Variants in CNTNAP4 observed in about 807,000 individuals in gnomAD.
The protein encoded by CNTNAP4 is contactin associated protein family member 4, also known as contactin-associated protein-like 4.
Under a neutral mutation model 148.4 loss-of-function variants are expected in CNTNAP4, and 98 were observed. The ratio of observed to expected loss-of-function variants is 0.66; its 90% CI spans 0.56 to 0.78. CNTNAP4 has a LOEUF of 0.78. Among genes scored for constraint, CNTNAP4 ranks in the 30% least tolerant of loss-of-function variants. CNTNAP4 has a pLI of 0.00. For synonymous variants in CNTNAP4, 730 were observed against 565.1 expected (o/e 1.29, Z -4.14); for missense variants, 1,935 against 1,565.6 (o/e 1.24, Z -3.98).
chr16:76,424,756 C>G (rs2079319970), intron 3 of CNTNAP4, among the ~76,000 whole-genome samples: 1 of 128,464 alleles, frequency 7.8e-6, no homozygotes, highest in Non-Finnish European at 1.7e-5. Flanking sequence ...GAGACTCGGT[C>G]TAAAAAAACA....
intron 21 of CNTNAP4, among the ~76,000 whole-genome samples, chr16:76,545,738 A>T (rs1401850649): frequency 1.3e-5 from 2 of 152,208 alleles, no homozygotes; most frequent in Non-Finnish European, 2.9e-5. Context: ...AATTACTAAC[A>T]TGCCTTAAAA....
chr16:76,535,679 A>G lies in CNTNAP4; in HGVS notation c.2890A>G (p.Ser964Gly), dbSNP rs1178705473. Residue 964 changes from serine (S) to glycine (G), a missense_variant, in exon 18 of 24, where the codon AGC (serine) becomes GGC (glycine). Coordinates refer to ENST00000611870, the MANE Select transcript of CNTNAP4 (RefSeq NM_033401.5). ...VQPGCRGHCS[S>G]YGKLCRNGGK... Reference sequence around the variant, plus strand: ...GCCAGGTTGTAGGGGACATTGCAGCAGCTATGGGAAGTTATGCCGCAATGG... The same window carrying G: ...GCCAGGTTGTAGGGGACATTGCAGCGGCTATGGGAAGTTATGCCGCAATGG... 1.9e-6 allele frequency: 3 copies of G among 1,614,048 alleles called. No homozygotes were observed. Among genetic ancestry groups the G allele is most frequent in the Non-Finnish European group, 2.5e-6 (3 of 1,179,918 alleles).
intron 2 of CNTNAP4, among the ~76,000 whole-genome samples, chr16:76,338,889 T>G (rs1389745211): frequency 6.6e-6 from 1 of 152,214 alleles, no homozygotes; most frequent in African/African-American, 2.4e-5. Context: ...CTTAGTACAC[T>G]GTAGAATACA....
chr16:76,448,792 C>T lies in CNTNAP4; in HGVS notation c.768C>T (p.Ser256=), dbSNP rs1030334310. Residue 256 remains serine, a synonymous_variant, in exon 6 of 24, where the codon TCC becomes TCT. Transcript: ENST00000611870. ...NSGEAKLPST[S]TLVNLTLGSL... ...GTGAAGCTAAACTGCCTTCCACTTC[C>T]ACCCTGGTCAATCTCACCCTGGGCA... 1.9e-6 allele frequency: 3 copies of T among 1,610,226 alleles called. No homozygotes were observed. The African/African-American group carries it at 4.0e-5, about 22-fold the overall frequency.
At chr16:76,398,351 A>G (rs1406100776) in intron 3 of CNTNAP4, among the ~76,000 whole-genome samples, 4 of 152,038 alleles carry the variant, frequency 2.6e-5, no homozygotes, top group African/African-American at 9.7e-5. Context: ...CAGTCAATCA[A>G]GTTGACACTC....
At position 76,314,310 on chromosome 16, in the gene CNTNAP4, G is replaced by A. The variant is rs183004411; in HGVS notation, c.86-2103G>A. Among the ~76,000 whole-genome samples, 123 of 152,292 alleles carry A rather than the reference G, an allele frequency of 8.1e-4. 1 individual carries two copies. The highest frequency in any genetic ancestry group is 2.8e-3 in the African/African-American group (116 of 41,566). ...TCTTGCGAAAGAAAGCTTTCAGAGC[G>A]AGTCCGCAGTGCAAAGCAAAAGCAA... On this transcript the variant is annotated intron_variant, in intron 1 of 23. Transcript: ENST00000611870.
chr16:76,289,080 AT>A (rs1298563868), intron 1 of CNTNAP4, among the ~76,000 whole-genome samples: 6 of 150,400 alleles, frequency 4.0e-5, no homozygotes, highest in East Asian at 2.0e-4. Flanking sequence ...TAAAAAAAAA[AT>A]TTATAGCAAA....
intron 12 of CNTNAP4, among the ~76,000 whole-genome samples, chr16:76,481,799 G>C (rs988863916): frequency 4.6e-4 from 70 of 152,120 alleles, no homozygotes; most frequent in African/African-American, 1.4e-3. Flanking sequence ...ACCAAGTTCT[G>C]AGACAGATGA....
chr16:76,339,195 T>A (rs1337585287), intron 2 of CNTNAP4, among the ~76,000 whole-genome samples: 1 of 151,862 alleles, frequency 6.6e-6, no homozygotes, highest in Admixed American at 6.6e-5. Context: ...AGTGGTCTTT[T>A]TAACTGTCTA....
At chr16:76,341,602 C>T (rs1456507621) in intron 2 of CNTNAP4, among the ~76,000 whole-genome samples, 1 of 152,130 alleles carries the variant, frequency 6.6e-6, no homozygotes, top group Non-Finnish European at 1.5e-5. Context: ...GGAGGTAAAA[C>T]ATCCATTTTT....
At chr16:76,554,792 G>A (rs577726326) in intron 23 of CNTNAP4, among the ~76,000 whole-genome samples, 3 of 151,866 alleles carry the variant, frequency 2.0e-5, no homozygotes, top group East Asian at 2.0e-4. Flanking sequence ...GTTTGCAGGT[G>A]ACTTAGAGTT....
At chr16:76,303,252 A>C (rs543696185) in intron 1 of CNTNAP4, among the ~76,000 whole-genome samples, 56 of 152,018 alleles carry the variant, frequency 3.7e-4, no homozygotes, top group African/African-American at 1.3e-3. Flanking sequence ...AGCTTTATGC[A>C]CTCCCCTATT....
chr16:76,531,403 AT>A (rs1411581042), intron 17 of CNTNAP4, among the ~76,000 whole-genome samples: 3 of 152,188 alleles, frequency 2.0e-5, no homozygotes, highest in Admixed American at 1.3e-4. Context: ...CAGAGAAATT[AT>A]TCAGATGCAG....
rs983216515 is a variant in CNTNAP4, at chr16:76,283,104, G to A, written c.85+5357G>A. 2.0e-5 allele frequency among the ~76,000 whole-genome samples: 3 copies of A among 151,886 alleles called. No homozygotes were observed. The East Asian group carries it at 5.8e-4, about 29-fold the overall frequency. On this transcript the variant is annotated intron_variant, in intron 1 of 23. Coordinates refer to ENST00000611870, the MANE Select transcript of CNTNAP4 (RefSeq NM_033401.5). The stretch of plus-strand genomic sequence containing the variant: ...GTGATGAGATTCGTGATCATCCACT[G>A]TAAGTAGACAACGATTAGGGATAAT...
intron 1 of CNTNAP4, among the ~76,000 whole-genome samples, chr16:76,285,365 T>C (rs1020850963): frequency 6.6e-6 from 1 of 152,068 alleles, no homozygotes; most frequent in African/African-American, 2.4e-5. Context: ...TTAGTAACTA[T>C]AAAATTTTTT....
intron 1 of CNTNAP4, among the ~76,000 whole-genome samples, chr16:76,279,504 G>C (rs1226733418): frequency 6.6e-6 from 1 of 152,190 alleles, no homozygotes; most frequent in Non-Finnish European, 1.5e-5. Flanking sequence ...ATTTATGTCT[G>C]CTTGGCTCTG....
At chr16:76,550,868 C>T (rs2084927198) in intron 21 of CNTNAP4, among the ~76,000 whole-genome samples, 1 of 152,060 alleles carries the variant, frequency 6.6e-6, no homozygotes, top group South Asian at 2.1e-4. Context: ...GAGGAGCTCA[C>T]AGTATCGTAT....
chr16:76,416,030 T>G (rs963993453), intron 3 of CNTNAP4, among the ~76,000 whole-genome samples: 2 of 151,162 alleles, frequency 1.3e-5, no homozygotes, highest in Non-Finnish European at 3.0e-5. Context: ...TTCCCCCTAA[T>G]GTCTTAACTT....
At chr16:76,492,987 T>C (rs1283098684) in intron 13 of CNTNAP4, among the ~76,000 whole-genome samples, 1 of 151,130 alleles carries the variant, frequency 6.6e-6, no homozygotes, top group East Asian at 1.9e-4. Flanking sequence ...TCTTTCAGGC[T>C]CAATAACCAG....
Sources: allele counts gnomAD v4.1 joint callset (sites outside exome capture counted in the v4.1 genomes callset), GRCh38; gene constraint gnomAD v4.1.1; transcripts MANE v1.5; gene names NCBI Gene and HGNC (gene_info 2026-07-23, HGNC 2026-07-21).